The following CIMIP2A variants were observed in gnomAD, a reference collection of about 807,000 sequenced individuals.
The protein encoded by CIMIP2A is ciliary microtubule inner protein 2A.
At chr9:137,244,094 T>C in the CIMIP2A span, 2 of 1,408,124 alleles carry the variant, frequency 1.4e-6, no homozygotes, top group Admixed American at 1.7e-5. Flanking sequence ...GAACCAGCAA[T>C]GAAGGGTGAG....
chr9:137,245,764 T>G, the CIMIP2A span: 277 of 1,572,070 alleles, frequency 1.8e-4, 1 homozygote, highest in Non-Finnish European at 2.0e-4. Context: ...GGGGCTCTTC[T>G]GCACACTGGG....
At chr9:137,246,669 A>C in the CIMIP2A span, among the ~76,000 whole-genome samples, 2 of 152,094 alleles carry the variant, frequency 1.3e-5, no homozygotes, top group Non-Finnish European at 2.9e-5. Context: ...AGGCTGAGGC[A>C]GGAGAATGGC....
chr9:137,244,328 C>T, the CIMIP2A span: 25 of 1,611,564 alleles, frequency 1.6e-5, no homozygotes, highest in Non-Finnish European at 1.3e-5. Context: ...CCCTCCCCGG[C>T]AGGCAAACAG....
chr9:137,251,290 A>T, the CIMIP2A span: 1 of 1,608,034 alleles, frequency 6.2e-7, no homozygotes, highest in Non-Finnish European at 8.5e-7. Context: ...GACTCTGATG[A>T]TGAATTCTGA....
the CIMIP2A span, chr9:137,245,182 C>CG: frequency 6.4e-6 from 10 of 1,560,542 alleles, no homozygotes; most frequent in Non-Finnish European, 7.8e-6. Flanking sequence ...TGGCGGCGGG[C>CG]GGGGGGTGGG....
At chr9:137,247,705 G>T in the CIMIP2A span, 2 of 1,613,472 alleles carry the variant, frequency 1.2e-6, no homozygotes, top group South Asian at 2.2e-5. Flanking sequence ...GTGTTTCTGA[G>T]TAGTTGTCAT....
At chr9:137,243,667 C>T in the CIMIP2A span, 15 of 1,613,936 alleles carry the variant, frequency 9.3e-6, 1 homozygote, top group Middle Eastern at 1.6e-4. Flanking sequence ...CTGTCCACAT[C>T]CATGCTGTAC....
At chr9:137,254,707 C>A in the CIMIP2A span, among the ~76,000 whole-genome samples, 1 of 152,000 alleles carries the variant, frequency 6.6e-6, no homozygotes, top group Non-Finnish European at 1.5e-5. Context: ...GGGGAGCCCA[C>A]CCGCCTGGGA....
chr9:137,254,497 G>A, the CIMIP2A span, among the ~76,000 whole-genome samples: 1 of 152,252 alleles, frequency 6.6e-6, no homozygotes, highest in African/African-American at 2.4e-5. Context: ...TCCTCCAGCT[G>A]GGCTGAGGAG....
At chr9:137,252,852 G>C in the CIMIP2A span, 1 of 1,578,930 alleles carries the variant, frequency 6.3e-7, no homozygotes, top group South Asian at 1.2e-5. Context: ...CCTGGCAAGA[G>C]ATGCCCTGGC....
chr9:137,245,428 G>A, the CIMIP2A span: 10 of 1,613,820 alleles, frequency 6.2e-6, no homozygotes, highest in Admixed American at 1.7e-4. Flanking sequence ...AGGGTGCGGG[G>A]TGTCGGGCGT....
chr9:137,251,159 C>T, the CIMIP2A span: 13 of 745,960 alleles, frequency 1.7e-5, no homozygotes, highest in South Asian at 5.8e-5. Flanking sequence ...CACCAGGGGT[C>T]GGGGCCCGGG....
the CIMIP2A span, chr9:137,253,420 G>A: frequency 8.3e-6 from 12 of 1,449,124 alleles, no homozygotes; most frequent in Admixed American, 8.1e-5. Flanking sequence ...GACAAGGCTG[G>A]CCCAGCCTGG....
the CIMIP2A span, chr9:137,245,012 T>G: frequency 1.9e-5 from 31 of 1,609,044 alleles, no homozygotes; most frequent in Admixed American, 3.3e-5. Flanking sequence ...TGTGGCAGCC[T>G]CCTCAGGGGC....
At chr9:137,245,128 G>C in the CIMIP2A span, 1 of 1,600,018 alleles carries the variant, frequency 6.2e-7, no homozygotes, top group African/African-American at 1.4e-5. Context: ...GGGTGGTCCA[G>C]CTGCGGCAGC....
At chr9:137,244,489 C>T in the CIMIP2A span, 705 of 1,494,196 alleles carry the variant, frequency 4.7e-4, 2 homozygotes, top group South Asian at 3.1e-3. Context: ...GGGGTTGGGG[C>T]GGCACCTCCG....
At chr9:137,245,361 C>G in the CIMIP2A span, 3 of 1,610,344 alleles carry the variant, frequency 1.9e-6, no homozygotes, top group Non-Finnish European at 1.7e-6. Context: ...AGGCCTCTTC[C>G]CCGTATACTG....
At chr9:137,246,668 C>T in the CIMIP2A span, among the ~76,000 whole-genome samples, 1 of 152,046 alleles carries the variant, frequency 6.6e-6, no homozygotes, top group South Asian at 2.1e-4. Flanking sequence ...GAGGCTGAGG[C>T]AGGAGAATGG....
chr9:137,244,757 G>A, the CIMIP2A span: 8 of 1,609,160 alleles, frequency 5.0e-6, no homozygotes, highest in South Asian at 2.2e-5. Context: ...GCAGATGTAC[G>A]GGCTACCCCA....
Sources: allele counts gnomAD v4.1 joint callset (sites outside exome capture counted in the v4.1 genomes callset), GRCh38; gene constraint gnomAD v4.1.1; transcripts MANE v1.5; gene names NCBI Gene and HGNC (gene_info 2026-07-23, HGNC 2026-07-21).